Variants in IMMT observed in about 807,000 individuals in gnomAD.
IMMT encodes inner membrane mitochondrial protein.
In IMMT, 40 loss-of-function variants were observed where a neutral mutation model predicts 92.7. The ratio of observed to expected loss-of-function variants is 0.43; its 90% CI spans 0.34 to 0.56. The LOEUF is 0.56. Among genes scored for constraint, IMMT ranks in the 20% least tolerant of loss-of-function variants. The pLI is 0.03. For missense variants in IMMT, 831 were observed against 912.1 expected (o/e 0.91, Z 1.14); for synonymous variants, 322 against 336.1 (o/e 0.96, Z 0.46).
chr2:86,158,861 A>G lies in IMMT; in HGVS notation c.1033-140T>C, dbSNP rs2104870680. 2.0e-5 allele frequency: 14 copies of G among 713,524 alleles called. No homozygotes were observed. In the South Asian group the frequency reaches 2.8e-4, roughly 14 times the overall value. The allele number at this position is 713,524 out of a possible 1,614,324, so 44.2% of individuals were successfully genotyped here. A position where few individuals can be genotyped will look rare whatever the true frequency, so the allele number is the denominator to read the frequency against. ...AATCTGAAGCTCAGAAATAGAATAT[A>G]AGCCTTATTTGTTTCCTTCTAATTC... On this transcript the variant is annotated intron_variant, in intron 9 of 14. Transcript: ENST00000410111.
intron 1 of IMMT, among the ~76,000 whole-genome samples, chr2:86,183,363 G>A (rs897863339): frequency 2.0e-5 from 3 of 151,952 alleles, no homozygotes; most frequent in African/African-American, 7.3e-5. Context: ...GGCTGGTCTC[G>A]AACTCCTGGT....
At chr2:86,166,871 G>A (rs963143274) in intron 6 of IMMT, among the ~76,000 whole-genome samples, 3 of 151,966 alleles carry the variant, frequency 2.0e-5, no homozygotes, top group African/African-American at 4.8e-5. Context: ...AGGCCGAGGC[G>A]GGCGTATCAC....
At chr2:86,160,658 T>G (rs886614606) in intron 8 of IMMT, among the ~76,000 whole-genome samples, 9 of 152,236 alleles carry the variant, frequency 5.9e-5, no homozygotes, top group Non-Finnish European at 1.0e-4. Flanking sequence ...CTGATGAGGA[T>G]CTTTAGTCAA....
In IMMT at chr2:86,147,953, TG is replaced by T. The variant is rs2104575343; in HGVS notation, c.1402-121del. 9 of 868,332 alleles carry T rather than the reference TG, an allele frequency of 1.0e-5. No homozygotes were observed. In the South Asian group the frequency reaches 1.5e-4, roughly 14 times the overall value. The allele number at this position is 868,332 out of a possible 1,614,324, so 53.8% of individuals were successfully genotyped here. The stretch of plus-strand genomic sequence containing the variant: ...TTCCATATCCTGAACGCCTCTAATG[TG>T]CCAGGCATGTGTACACTTCTACTTC... On this transcript the variant is annotated intron_variant, in intron 12 of 14. Coordinates refer to ENST00000410111, the MANE Select transcript of IMMT (RefSeq NM_006839.3).
At chr2:86,163,410 C>T (rs1205092531) in intron 7 of IMMT, among the ~76,000 whole-genome samples, 3 of 152,180 alleles carry the variant, frequency 2.0e-5, no homozygotes, top group Non-Finnish European at 2.9e-5. Context: ...AGATAATATT[C>T]AAGAGATCTG....
At chr2:86,167,338 A>C (rs557265815) in intron 6 of IMMT, among the ~76,000 whole-genome samples, 1 of 146,772 alleles carries the variant, frequency 6.8e-6, no homozygotes, top group Non-Finnish European at 1.5e-5. Context: ...CGCCCAGCTA[A>C]TTTTTTTGTA....
intron 7 of IMMT, among the ~76,000 whole-genome samples, chr2:86,163,433 T>C (rs1485369685): frequency 1.3e-5 from 2 of 152,218 alleles, no homozygotes; most frequent in South Asian, 4.1e-4. Flanking sequence ...AGTACTATAA[T>C]GTGATCTGAA....
intron 3 of IMMT, among the ~76,000 whole-genome samples, chr2:86,175,400 C>T (rs1414494129): frequency 1.3e-5 from 2 of 151,788 alleles, no homozygotes; most frequent in Non-Finnish European, 2.9e-5. Context: ...ATATGTATGT[C>T]ATATATATTT....
rs367673700 is a variant in IMMT, at chr2:86,195,383, C to T, written c.-1G>A. On this transcript the variant is annotated 5_prime_UTR_variant, in exon 1 of 15. Transcript: ENST00000410111. The stretch of plus-strand genomic sequence containing the variant: ...CCGATAACTGACAGGCCCGCAGCAT[C>T]TCGGTCAAGCGGACGGCGCTGCTGG... The T allele has an allele frequency of 1.9e-6, 3 of 1,548,844 alleles. No individual in the cohort carries two copies. Among genetic ancestry groups the T allele is most frequent in the Non-Finnish European group, 2.6e-6 (3 of 1,146,148 alleles).
chr2:86,159,948 C>CT (rs1193269719), intron 8 of IMMT: 20 of 216,132 alleles, frequency 9.3e-5, no homozygotes, highest in South Asian at 1.8e-4. Context: ...TTTTTTTTTT[C>CT]TTTTTTTTAA....
intron 4 of IMMT, 138 bp from the exon 5 acceptor site, chr2:86,171,483 A>G: frequency 1.3e-6 from 1 of 754,132 alleles, no homozygotes; most frequent in Non-Finnish European, 2.3e-6. Flanking sequence ...CACATGTTTG[A>G]ATAACACACA....
At chr2:86,195,074 C>A (rs887871906) in intron 1 of IMMT, 10 of 407,944 alleles carry the variant, frequency 2.5e-5, no homozygotes, top group African/African-American at 1.9e-4. Flanking sequence ...GGGGGCAGCG[C>A]GGCCCTGATT....
intron 3 of IMMT, among the ~76,000 whole-genome samples, chr2:86,175,080 G>A (rs1234987293): frequency 6.6e-6 from 1 of 152,170 alleles, no homozygotes; most frequent in Non-Finnish European, 1.5e-5. Flanking sequence ...AAGTTTGTGT[G>A]TGATCTATTT....
intron 7 of IMMT, among the ~76,000 whole-genome samples, chr2:86,164,405 T>C (rs2105031100): frequency 1.3e-5 from 2 of 151,340 alleles, no homozygotes; most frequent in Middle Eastern, 6.8e-3. Flanking sequence ...TATACTGATT[T>C]GGGGCCAGGC....
At chr2:86,186,193 T>C (rs185521897) in intron 1 of IMMT, among the ~76,000 whole-genome samples, 16 of 152,344 alleles carry the variant, frequency 1.1e-4, no homozygotes, top group Admixed American at 9.8e-4. Flanking sequence ...AGGATCTGAT[T>C]CAGATGACAA....
rs976337776 is a variant in IMMT at position 86,159,569 on chromosome 2, G to A, written c.999C>T (p.Asn333=). 4 of 1,609,490 alleles carry A rather than the reference G, an allele frequency of 2.5e-6. No homozygotes were observed. The highest frequency in any genetic ancestry group is 3.4e-6 in the Non-Finnish European group (4 of 1,177,036). The change falls in exon 9 of 15, where the codon AAC becomes AAT. Residue 333 remains asparagine, a synonymous_variant. Coordinates refer to ENST00000410111, the MANE Select transcript of IMMT (RefSeq NM_006839.3). ...HITAAEGKLH[N]MIVDLDNVVK... Reference sequence around the variant, plus strand: ...CCACATTATCCAGATCAACTATCATGTTGTGAAGTTTACCCTCTGCAGCAG... The same window carrying A: ...CCACATTATCCAGATCAACTATCATATTGTGAAGTTTACCCTCTGCAGCAG...
At chr2:86,189,397 G>A (rs1420758866) in intron 1 of IMMT, among the ~76,000 whole-genome samples, 3 of 152,026 alleles carry the variant, frequency 2.0e-5, no homozygotes, top group Non-Finnish European at 4.4e-5. Flanking sequence ...ACCACACCCG[G>A]CTAATTTTTG....
At chr2:86,171,616 G>T in intron 4 of IMMT, 1 of 345,170 alleles carries the variant, frequency 2.9e-6, no homozygotes, top group Non-Finnish European at 5.4e-6. Context: ...TCCAGGCAAG[G>T]CTTATAATAA....
chr2:86,166,393 TATC>T (rs1398961729), intron 7 of IMMT, 112 bp downstream of exon 7: 3 of 855,264 alleles, frequency 3.5e-6, no homozygotes, highest in African/African-American at 1.7e-5. Context: ...AGAAAGCCGA[TATC>T]ATACGGAAGA....
Sources: allele counts gnomAD v4.1 joint callset (sites outside exome capture counted in the v4.1 genomes callset), GRCh38; gene constraint gnomAD v4.1.1; transcripts MANE v1.5; gene names NCBI Gene and HGNC (gene_info 2026-07-23, HGNC 2026-07-21).